ATP11A: variants seen among roughly 807,000 people sequenced by gnomAD.
ATP11A encodes ATPase phospholipid transporting 11A.
Under a neutral mutation model 154.4 loss-of-function variants are expected in ATP11A, and 81 were observed. That is an observed-to-expected ratio of 0.52 (90% CI 0.44 to 0.63). The LOEUF is 0.63. ATP11A is among the 30% of genes least tolerant of loss of function. The pLI is 0.00. For missense variants in ATP11A, 1,316 were observed against 1,474.3 expected, an observed-to-expected ratio of 0.89 and a Z score of 1.76; for synonymous variants, 623 against 585.9, an observed-to-expected ratio of 1.06 and a Z score of -0.91.
Position 112,862,476 on chromosome 13 carries a change from G to C in ATP11A, c.2892G>C (p.Val964=). The C allele has an allele frequency of 6.2e-7, 1 of 1,614,150 alleles. No homozygotes were observed. The change falls in exon 25 of 30, where the codon GTG becomes GTC. Residue 964 remains valine, a synonymous_variant. Coordinates refer to ENST00000375645, the MANE Select transcript of ATP11A (RefSeq NM_015205.3). ...AGAATGCCCTGCTGCGCTGGCGCGT[G>C]TTCATCTACTGGACGCTCCTGGGAC... ...VAKNALLRWR[V]FIYWTLLGLF... is the part of the protein sequence containing the mutation.
chr13:112,707,766 T>C (rs1198246223), intron 1 of ATP11A, among the ~76,000 whole-genome samples: 1 of 152,114 alleles, frequency 6.6e-6, no homozygotes, highest in Non-Finnish European at 1.5e-5. Flanking sequence ...GAAAAGTGGA[T>C]CTTATATGAC....
intron 12 of ATP11A, among the ~76,000 whole-genome samples, chr13:112,829,792 T>C (rs2080945785): frequency 6.6e-6 from 1 of 152,320 alleles, no homozygotes; most frequent in African/African-American, 2.4e-5. Flanking sequence ...TAGAAAAGCC[T>C]AAAGACTCCA....
At chr13:112,818,053 G>A (rs1204814653) in intron 6 of ATP11A, among the ~76,000 whole-genome samples, 2 of 152,248 alleles carry the variant, frequency 1.3e-5, no homozygotes, top group Non-Finnish European at 2.9e-5. Context: ...TAGAAAATAA[G>A]CGCCCCCTGA....
chr13:112,728,110 T>C (rs1890072297), intron 1 of ATP11A, among the ~76,000 whole-genome samples: 1 of 152,200 alleles, frequency 6.6e-6, no homozygotes, highest in South Asian at 2.1e-4. Context: ...ACATCTGCCA[T>C]TGTAGCAGGA....
intron 16 of ATP11A, among the ~76,000 whole-genome samples, chr13:112,837,502 C>T (rs755082644): frequency 6.6e-6 from 1 of 152,244 alleles, no homozygotes; most frequent in Non-Finnish European, 1.5e-5. Context: ...TCACGCCACC[C>T]TCCGCCGAGT....
At position 112,834,660 on chromosome 13, in the gene ATP11A, G is replaced by A; in HGVS notation, c.1631G>A (p.Arg544Lys). The change falls in exon 15 of 30, where the codon AGG becomes AAG. Residue 544 changes from arginine to lysine, a missense_variant and splice_region_variant. This residue lies in a region of ATP11A where 876 missense variants were observed against 1,006.8 expected (regional missense o/e 0.87). Coordinates refer to ENST00000375645, the MANE Select transcript of ATP11A (RefSeq NM_015205.3). ...TTAAACAGGGAGAACCACATCGAAAGGTATGTGCAGACCTCACCCTCAGAT... is the reference window on the plus strand; with the variant it reads ...TTAAACAGGGAGAACCACATCGAAAAGTATGTGCAGACCTCACCCTCAGAT... ...EILNRENHIE[R>K]FELLEILSFD... 6.2e-7 allele frequency: 1 copy of A among 1,610,864 alleles called. No individual in the cohort carries two copies. Among genetic ancestry groups the A allele is most frequent in the Non-Finnish European group, 8.5e-7 (1 of 1,177,144 alleles).
rs933682780 is a variant in ATP11A at position 112,690,129 on chromosome 13, G to C, written c.-288G>C. On this transcript the variant is annotated 5_prime_UTR_variant, in exon 1 of 30. Transcript: ENST00000375645. This position sits in a 1 kb window ranked among gnomAD's most constrained non-coding sequence, Gnocchi z 5.6. ...GTGCTCCAGCCGAGCCCAACCGAGC[G>C]GGCGGACCGACGGGGAGAGAGAAGG... is the stretch of plus-strand genomic sequence containing the variant. Among the ~76,000 whole-genome samples, 1 of 148,370 alleles carries C rather than the reference G, an allele frequency of 6.7e-6. No individual in the cohort carries two copies. Among genetic ancestry groups the C allele is most frequent in the Non-Finnish European group, 1.5e-5 (1 of 66,456 alleles).
chr13:112,693,417 G>A (rs1188947542), intron 1 of ATP11A, among the ~76,000 whole-genome samples: 1 of 151,256 alleles, frequency 6.6e-6, no homozygotes, highest in Non-Finnish European at 1.5e-5. Flanking sequence ...TGCTGTCGGG[G>A]GCGTGAGGTG....
intron 16 of ATP11A, among the ~76,000 whole-genome samples, chr13:112,836,534 A>G (rs2079239523): frequency 6.6e-6 from 1 of 152,132 alleles, no homozygotes; most frequent in African/African-American, 2.4e-5. Context: ...AAAATTGCTT[A>G]ATTCCATTTG....
At chr13:112,878,466 C>T (rs1415764877) in intron 29 of ATP11A, 163 bp downstream of exon 29, 11 of 663,250 alleles carry the variant, frequency 1.7e-5, no homozygotes, top group Non-Finnish European at 2.4e-5. Flanking sequence ...TACACCTTCT[C>T]ATGCACAGAC....
chr13:112,702,301 G>A (rs1184678923), intron 1 of ATP11A, among the ~76,000 whole-genome samples: 3 of 138,552 alleles, frequency 2.2e-5, no homozygotes, highest in Non-Finnish European at 3.0e-5. Flanking sequence ...AGCCGAGATC[G>A]CACCTTTGCT....
chr13:112,712,107 A>G (rs1887826928), intron 1 of ATP11A, among the ~76,000 whole-genome samples: 1 of 152,184 alleles, frequency 6.6e-6, no homozygotes, highest in Non-Finnish European at 1.5e-5. Flanking sequence ...CCTCCTTCGC[A>G]TGTTGGCTCC....
rs528673540 is a variant in ATP11A at position 112,731,694 on chromosome 13, G to A, written c.39+41239G>A. 5.3e-5 allele frequency among the ~76,000 whole-genome samples: 8 copies of A among 152,272 alleles called. 1 individual carries two copies. In the South Asian group the frequency reaches 1.5e-3, roughly 28 times the overall value. On this transcript the variant is annotated intron_variant, in intron 1 of 29. Coordinates refer to ENST00000375645, the MANE Select transcript of ATP11A (RefSeq NM_015205.3). ...TCACTTATGTTCATGGCTGTCCCAC[G>A]AGGCCTGTCACGTCCTATCCTATGA...
chr13:112,701,735 A>G (rs1476812026), intron 1 of ATP11A, among the ~76,000 whole-genome samples: 3 of 152,110 alleles, frequency 2.0e-5, no homozygotes, highest in Non-Finnish European at 4.4e-5. Context: ...CGGGAGGCTG[A>G]GGCAGGAGAA....
In ATP11A at chr13:112,710,887, C is replaced by T. The variant is rs543334350; in HGVS notation, c.39+20432C>T. Reference sequence around the variant, plus strand: ...CGGCTCCCTGGGGCTCTCCCAGCCCCGCGTCATGTGAGGGGGCACTAGTCA... The same window carrying T: ...CGGCTCCCTGGGGCTCTCCCAGCCCTGCGTCATGTGAGGGGGCACTAGTCA... On this transcript the variant is annotated intron_variant, in intron 1 of 29. Coordinates refer to ENST00000375645, the MANE Select transcript of ATP11A (RefSeq NM_015205.3). Among the ~76,000 whole-genome samples the T allele has an allele frequency of 5.3e-5, 8 of 152,332 alleles. No homozygotes were observed. In the East Asian group the frequency reaches 1.2e-3, roughly 22 times the overall value.
chr13:112,711,299 A>G (rs1450995547), intron 1 of ATP11A, among the ~76,000 whole-genome samples: 1 of 152,176 alleles, frequency 6.6e-6, no homozygotes, highest in Admixed American at 6.5e-5. Context: ...GTCCCAAATT[A>G]CTTGTTAAAA....
At chr13:112,733,302 T>C (rs1189688655) in intron 1 of ATP11A, among the ~76,000 whole-genome samples, 1 of 152,190 alleles carries the variant, frequency 6.6e-6, no homozygotes, top group Non-Finnish European at 1.5e-5. Flanking sequence ...TCAGGCGCAC[T>C]GAGCATGCAG....
In ATP11A at chr13:112,819,808, C is replaced by T. The variant is rs772762641; in HGVS notation, c.675-92C>T. The T allele has an allele frequency of 2.4e-5, 32 of 1,354,022 alleles. No individual in the cohort carries two copies. The East Asian group carries it at 4.6e-4, about 20-fold the overall frequency. 83.9% of individuals were successfully genotyped at this position (1,354,022 alleles called of 1,614,324 possible). On this transcript the variant is annotated intron_variant, in intron 7 of 29. Transcript: ENST00000375645. ...GCACACGGAGCGGGCCAGGTGAAGA[C>T]GTGTGGCTCACAGAAGGCAGGTGGG...
Position 112,881,385 on chromosome 13 carries a change from GT to G in ATP11A, c.*10-490del, listed in dbSNP as rs922858606. The G allele has an allele frequency of 1.1e-4, 111 of 1,042,996 alleles. No individual in the cohort carries two copies. In the African/African-American group the frequency reaches 1.8e-3, roughly 17 times the overall value. The allele number at this position is 1,042,996 out of a possible 1,614,324, so 64.6% of individuals were successfully genotyped here. Reference sequence around the variant, plus strand: ...ACTAAATCAACCCGGTCCCTGTGGGGTGGGGCCTGCCTTCCCTGGGGCAGTG... The same window carrying G: ...ACTAAATCAACCCGGTCCCTGTGGGGGGGGCCTGCCTTCCCTGGGGCAGTG... On this transcript the variant is annotated intron_variant, in intron 29 of 29. Coordinates refer to ENST00000375645, the MANE Select transcript of ATP11A (RefSeq NM_015205.3).
Sources: allele counts gnomAD v4.1 joint callset (sites outside exome capture counted in the v4.1 genomes callset), GRCh38; gene constraint gnomAD v4.1.1; regional missense constraint gnomAD v4.1.1; non-coding constraint Gnocchi (gnomAD v3.1); transcripts MANE v1.5; gene names NCBI Gene and HGNC (gene_info 2026-07-23, HGNC 2026-07-21).